SLC5A4: variants seen among roughly 807,000 people sequenced by gnomAD.
SLC5A4 encodes probable glucose sensor protein SLC5A4.
A neutral mutation model predicts 70.3 loss-of-function variants in SLC5A4; 55 were observed. The ratio of observed to expected loss-of-function variants is 0.78; its 90% CI spans 0.63 to 0.98. SLC5A4 has a LOEUF of 0.98. SLC5A4 is among the 50% of genes least tolerant of loss of function. The pLI is 0.00. For synonymous variants in SLC5A4, 268 were observed against 305.7 expected (o/e 0.88, Z 1.29); for missense variants, 735 against 839.2 (o/e 0.88, Z 1.53).
At chr22:32,309,604 TG>T in the SLC5A4 span, among the ~76,000 whole-genome samples, 1 of 152,070 alleles carries the variant, frequency 6.6e-6, no homozygotes, top group Non-Finnish European at 1.5e-5. Flanking sequence ...CACAATGACC[TG>T]GGGACCCACG....
Position 32,233,406 on chromosome 22 carries a change from C to A in SLC5A4, c.886-372G>T, listed in dbSNP as rs138304856. Among the ~76,000 whole-genome samples, 510 of 152,320 alleles carry A rather than the reference C, an allele frequency of 3.3e-3. 6 individuals are homozygous for A. Among genetic ancestry groups the A allele is most frequent in the African/African-American group, 0.012 (500 of 41,574 alleles). On this transcript the variant is annotated intron_variant, in intron 8 of 14. Transcript: ENST00000266086. The stretch of plus-strand genomic sequence containing the variant: ...CACACATTCTCACTCATTCTCACTT[C>A]CTGAGGCCTAGCTTAGGAAGATACT...
chr22:32,219,630 C>CAAAAAAAAAAAAAAAAAAAA, intron 14 of SLC5A4, among the ~76,000 whole-genome samples: 4 of 28,880 alleles, frequency 1.4e-4, no homozygotes, highest in Admixed American at 4.4e-4. Context: ...TCCAACTTAG[C>CAAAAAAAAAAAAAAAAAAAA]AAAAAAAAAA....
Position 32,252,436 on chromosome 22 carries a change from G to A in SLC5A4, c.208-562C>T, listed in dbSNP as rs764509303. 1.8e-4 allele frequency among the ~76,000 whole-genome samples: 27 copies of A among 152,188 alleles called. 1 individual carries two copies. The highest frequency in any genetic ancestry group is 4.4e-5 in the Non-Finnish European group (3 of 68,044). On this transcript the variant is annotated intron_variant, in intron 2 of 14. Transcript: ENST00000266086. ...AAGTAAGCATAATATTTTGTGAAATGTGAAATTGTAAACTTGTGAAATTGT... is the reference window on the plus strand; with the variant it reads ...AAGTAAGCATAATATTTTGTGAAATATGAAATTGTAAACTTGTGAAATTGT...
the SLC5A4 span, among the ~76,000 whole-genome samples, chr22:32,343,452 G>A: frequency 5.3e-5 from 8 of 152,282 alleles, no homozygotes; most frequent in South Asian, 1.7e-3. Context: ...CACGGTAAAA[G>A]CAACACTCTA....
chr22:32,227,205 T>A (rs1395528992), intron 11 of SLC5A4, among the ~76,000 whole-genome samples: 2 of 152,202 alleles, frequency 1.3e-5, no homozygotes, highest in Non-Finnish European at 2.9e-5. Flanking sequence ...AGACATTTGA[T>A]AACAGAGAGA....
the SLC5A4 span, among the ~76,000 whole-genome samples, chr22:32,330,929 GTGTGTATGTGTTGGA>G: frequency 1.6e-4 from 15 of 94,318 alleles, no homozygotes; most frequent in East Asian, 3.4e-4. Flanking sequence ...GAGGCCTCTG[GTGTGTATGTGTTGGA>G]GGCTCTGGTG....
the SLC5A4 span, among the ~76,000 whole-genome samples, chr22:32,325,130 C>T: frequency 6.6e-6 from 1 of 152,256 alleles, no homozygotes; most frequent in Non-Finnish European, 1.5e-5. Flanking sequence ...ACCAGTGCTC[C>T]CCTCACTCAG....
At chr22:32,264,936 A>G in the SLC5A4 span, among the ~76,000 whole-genome samples, 1 of 152,138 alleles carries the variant, frequency 6.6e-6, no homozygotes, top group Admixed American at 6.5e-5. Context: ...TCTTTTTTTC[A>G]TCTCAAGTTT....
the SLC5A4 span, among the ~76,000 whole-genome samples, chr22:32,341,076 G>A: frequency 2.0e-5 from 3 of 152,096 alleles, no homozygotes; most frequent in African/African-American, 4.8e-5. Context: ...AGGAGGCAGC[G>A]GGGACGTGGA....
chr22:32,309,017 C>T, the SLC5A4 span, among the ~76,000 whole-genome samples: 1 of 152,158 alleles, frequency 6.6e-6, no homozygotes, highest in Non-Finnish European at 1.5e-5. Context: ...CAGCTCACTG[C>T]AAGCTCTGCC....
At chr22:32,353,521 C>T in the SLC5A4 span, among the ~76,000 whole-genome samples, 1 of 150,006 alleles carries the variant, frequency 6.7e-6, no homozygotes, top group African/African-American at 2.4e-5. Flanking sequence ...GTCTGGAGTC[C>T]GGGGAGACGA....
In SLC5A4 at chr22:32,238,582, T is replaced by TCATGGC. The variant is rs1416280111; in HGVS notation, c.583+397_583+402dup. ...AGTTCTCCTCTCCCAACTGCACCATTCATGGCCATGGCCATGCCCTGGCAT... is the reference window on the plus strand; with the variant it reads ...AGTTCTCCTCTCCCAACTGCACCATTCATGGCCATGGCCATGGCCATGCCCTGGCAT... On this transcript the variant is annotated intron_variant, in intron 6 of 14. Transcript: ENST00000266086. Among the ~76,000 whole-genome samples the TCATGGC allele has an allele frequency of 7.2e-5, 11 of 152,266 alleles. No individual in the cohort carries two copies. The South Asian group carries it at 2.3e-3, about 32-fold the overall frequency.
At chr22:32,300,441 CCT>C in the SLC5A4 span, among the ~76,000 whole-genome samples, 6 of 152,176 alleles carry the variant, frequency 3.9e-5, no homozygotes, top group Non-Finnish European at 7.4e-5. Context: ...GTCCGTCACC[CCT>C]TTCTTTGACT....
chr22:32,325,039 G>A, the SLC5A4 span, among the ~76,000 whole-genome samples: 3 of 152,344 alleles, frequency 2.0e-5, no homozygotes, highest in Non-Finnish European at 2.9e-5. Context: ...GCCCTGATGC[G>A]GGAGTCACGT....
chr22:32,326,757 G>A, the SLC5A4 span, among the ~76,000 whole-genome samples: 2 of 152,172 alleles, frequency 1.3e-5, no homozygotes, highest in African/African-American at 2.4e-5. Flanking sequence ...TTTGGGAGAG[G>A]GAGATGAGGC....
the SLC5A4 span, chr22:32,269,914 G>A: frequency 1.1e-5 from 6 of 545,710 alleles, no homozygotes; most frequent in East Asian, 5.0e-5. This position sits in a 1 kb window ranked among gnomAD's most constrained non-coding sequence, Gnocchi z 4.1. Flanking sequence ...GGCCACCAGC[G>A]TCCTCACCAC....
the SLC5A4 span, among the ~76,000 whole-genome samples, chr22:32,305,821 T>C: frequency 1.7e-4 from 26 of 151,470 alleles, no homozygotes; most frequent in Non-Finnish European, 2.8e-4. Context: ...CCGTCTGCAG[T>C]GATTGGCCCT....
the SLC5A4 span, among the ~76,000 whole-genome samples, chr22:32,354,638 C>T: frequency 1.3e-5 from 2 of 151,558 alleles, no homozygotes; most frequent in Admixed American, 1.3e-4. Context: ...TGGGATAGTG[C>T]TCCAACCCAC....
At chr22:32,344,028 G>T in the SLC5A4 span, among the ~76,000 whole-genome samples, 1 of 152,262 alleles carries the variant, frequency 6.6e-6, no homozygotes, top group East Asian at 1.9e-4. Context: ...GAACAGAAAG[G>T]AGAGATGATA....
Sources: gnomAD v4.1 joint callset for allele counts (sites outside exome capture counted in the v4.1 genomes callset) on GRCh38, gnomAD v4.1.1 for gene constraint, Gnocchi (gnomAD v3.1) non-coding constraint, MANE v1.5 for transcripts, NCBI Gene and HGNC (gene_info 2026-07-23, HGNC 2026-07-21) for gene names.